Variants in ATRN observed in about 807,000 individuals in gnomAD.
ATRN encodes the protein attractin-2.
A neutral mutation model predicts 178.7 loss-of-function variants in ATRN; 54 were observed. The ratio of observed to expected loss-of-function variants is 0.30; its 90% CI spans 0.24 to 0.38. ATRN has a LOEUF of 0.38. Ranked by LOEUF, ATRN falls within the 10% of genes least tolerant of loss-of-function variation. ATRN has a pLI of 1.00. For synonymous variants in ATRN, 636 were observed against 663.0 expected (o/e 0.96, Z 0.63); for missense variants, 1,443 against 1,815.1 (o/e 0.79, Z 3.73).
intron 1 of ATRN, among the ~76,000 whole-genome samples, chr20:3,511,901 G>GTTA (rs1188612402): frequency 1.3e-5 from 2 of 151,596 alleles, no homozygotes; most frequent in East Asian, 3.9e-4. Flanking sequence ...TGTTTTAATT[G>GTTA]TACAGCCTTA....
Position 3,624,429 on chromosome 20 carries a change from A to T in ATRN, c.3802-82A>T, listed in dbSNP as rs997199831. 2.4e-6 allele frequency: 3 copies of T among 1,234,624 alleles called. No individual in the cohort carries two copies. In the African/African-American group the frequency reaches 4.5e-5, roughly 19 times the overall value. The allele number at this position is 1,234,624 out of a possible 1,614,324, so 76.5% of individuals were successfully genotyped here. On this transcript the variant is annotated intron_variant, in intron 24 of 28. Coordinates refer to ENST00000262919, the MANE Select transcript of ATRN (RefSeq NM_139321.3). ...TCTTTAAAATGTAAGCTCTGTTTTCAGCTTAACTCTTGAAATGAGAAGCGT... is the reference window on the plus strand; with the variant it reads ...TCTTTAAAATGTAAGCTCTGTTTTCTGCTTAACTCTTGAAATGAGAAGCGT...
At chr20:3,615,040 CTT>C (rs2086823298) in intron 24 of ATRN, among the ~76,000 whole-genome samples, 1 of 152,070 alleles carries the variant, frequency 6.6e-6, no homozygotes, top group Non-Finnish European at 1.5e-5. Context: ...GGTTTTCACT[CTT>C]TGGCTATTAT....
At chr20:3,521,857 A>G (rs1464260854) in intron 1 of ATRN, among the ~76,000 whole-genome samples, 1 of 152,146 alleles carries the variant, frequency 6.6e-6, no homozygotes, top group Non-Finnish European at 1.5e-5. Flanking sequence ...ATTGTAGCTC[A>G]CTGCAGCCTC....
intron 1 of ATRN, among the ~76,000 whole-genome samples, chr20:3,520,565 G>A (rs1176815679): frequency 2.0e-5 from 3 of 152,106 alleles, no homozygotes; most frequent in Non-Finnish European, 4.4e-5. Flanking sequence ...TGGGATCTTG[G>A]CTCAGTGTTA....
chr20:3,475,608 A>T (rs1164424934), intron 1 of ATRN, among the ~76,000 whole-genome samples: 2 of 152,192 alleles, frequency 1.3e-5, no homozygotes, highest in African/African-American at 4.8e-5. Context: ...TTCTACTTGT[A>T]AGGTCACCAG....
intron 1 of ATRN, among the ~76,000 whole-genome samples, chr20:3,509,335 T>A (rs1461795823): frequency 6.6e-6 from 1 of 152,216 alleles, no homozygotes; most frequent in East Asian, 1.9e-4. Context: ...TATGTCTATA[T>A]CTGACAAAAT....
chr20:3,548,306 A>G (rs574074149), intron 5 of ATRN, among the ~76,000 whole-genome samples: 73 of 152,320 alleles, frequency 4.8e-4, no homozygotes, highest in African/African-American at 1.7e-3. Flanking sequence ...AAAACACAAT[A>G]AAAGATAATA....
chr20:3,596,583 C>A (rs1283686061), intron 21 of ATRN, among the ~76,000 whole-genome samples, 154 bp downstream of exon 21: 1 of 152,134 alleles, frequency 6.6e-6, no homozygotes, highest in Non-Finnish European at 1.5e-5. Flanking sequence ...GTTAAGTTTA[C>A]TACATATAGG....
chr20:3,609,293 CTATCGA>C (rs778886857), intron 24 of ATRN, among the ~76,000 whole-genome samples: 10 of 152,228 alleles, frequency 6.6e-5, no homozygotes, highest in Middle Eastern at 3.4e-3. Context: ...TTAAAAAAAT[CTATCGA>C]GAATGGGATT....
intron 24 of ATRN, among the ~76,000 whole-genome samples, chr20:3,607,277 A>C (rs1420549894): frequency 2.0e-5 from 3 of 152,222 alleles, no homozygotes; most frequent in Admixed American, 6.5e-5. Context: ...CTATTTTGAA[A>C]TAATGAATAA....
At chr20:3,605,101 A>G (rs1002099661) in intron 24 of ATRN, among the ~76,000 whole-genome samples, 1 of 152,170 alleles carries the variant, frequency 6.6e-6, no homozygotes, top group Non-Finnish European at 1.5e-5. Context: ...CTGTTTGCCA[A>G]TGTTCAGAAG....
chr20:3,495,727 A>G (rs974226635), intron 1 of ATRN, among the ~76,000 whole-genome samples: 2 of 151,916 alleles, frequency 1.3e-5, no homozygotes, highest in African/African-American at 4.8e-5. Context: ...GGAAGGAGGA[A>G]TAGCTATGTA....
chr20:3,512,034 A>G (rs1446668690), intron 1 of ATRN, among the ~76,000 whole-genome samples: 2 of 103,984 alleles, frequency 1.9e-5, no homozygotes, highest in Non-Finnish European at 4.2e-5. Flanking sequence ...GTTTTACCTG[A>G]CTTTTTTTTT....
At chr20:3,546,625 T>G (rs2085706691) in intron 4 of ATRN, among the ~76,000 whole-genome samples, 1 of 152,100 alleles carries the variant, frequency 6.6e-6, no homozygotes, top group African/African-American at 2.4e-5. Context: ...ACTCCTGACC[T>G]CGTGATTCGC....
intron 28 of ATRN, 57 bp downstream of exon 28, chr20:3,644,325 T>C: frequency 7.2e-7 from 1 of 1,395,462 alleles, no homozygotes; most frequent in Non-Finnish European, 1.0e-6. Flanking sequence ...GAGCTAAGCA[T>C]GGGATACTTC....
chr20:3,535,169 AAT>A (rs2085508663), intron 1 of ATRN, 82 bp from the exon 2 acceptor site: 1 of 482,400 alleles, frequency 2.1e-6, no homozygotes, highest in Admixed American at 5.0e-5. Flanking sequence ...AAGAAATATT[AAT>A]ATATGAAAAT....
In ATRN at chr20:3,645,676, C is replaced by G. The variant is rs920600096; in HGVS notation, c.4166-1047C>G. Among the ~76,000 whole-genome samples, 7 of 116,936 alleles carry G rather than the reference C, an allele frequency of 6.0e-5. No individual in the cohort carries two copies. The highest frequency in any genetic ancestry group is 1.3e-4 in the Non-Finnish European group (6 of 46,188). The allele number at this position is 116,936 out of a possible 152,430, so 76.7% of individuals were successfully genotyped here. A position where few individuals can be genotyped will look rare whatever the true frequency, so the allele number is the denominator to read the frequency against. ...GCCGTCCTTGCTGCCCCTTCTGTAC[C>G]CCCTGTTTTAAGTGGTGCCCTTTTC... On this transcript the variant is annotated intron_variant, in intron 28 of 28. Transcript: ENST00000262919. The surrounding 1 kb of genome is among the most constrained non-coding windows in gnomAD (Gnocchi z 4.7).
At chr20:3,639,903 A>G (rs182055216) in intron 27 of ATRN, among the ~76,000 whole-genome samples, 69 of 152,264 alleles carry the variant, frequency 4.5e-4, no homozygotes, top group Non-Finnish European at 6.5e-4. Context: ...ACCTGAATAG[A>G]TGGAAATCCT....
chr20:3,596,357 T>C lies in ATRN; in HGVS notation c.3417-20T>C. ...TTCTGTTTTAAATAGCAGTATAAAA[T>C]AGTCTTTTTTCCCCCCCAGATGTGA... On this transcript the variant is annotated intron_variant, in intron 20 of 28. Coordinates refer to ENST00000262919, the MANE Select transcript of ATRN (RefSeq NM_139321.3). The C allele has an allele frequency of 6.2e-7, 1 of 1,606,648 alleles. No homozygotes were observed. Among genetic ancestry groups the C allele is most frequent in the South Asian group, 1.1e-5 (1 of 90,906 alleles).
Sources: allele counts gnomAD v4.1 joint callset (sites outside exome capture counted in the v4.1 genomes callset), GRCh38; gene constraint gnomAD v4.1.1; non-coding constraint Gnocchi (gnomAD v3.1); transcripts MANE v1.5; gene names NCBI Gene and HGNC (gene_info 2026-07-23, HGNC 2026-07-21).